RBFOX3: variants seen among roughly 807,000 people sequenced by gnomAD.
The protein encoded by RBFOX3 is RNA binding protein fox-1 homolog 3.
RBFOX3 carries 17 observed loss-of-function variants against 48.7 expected under a neutral mutation model. The observed-to-expected ratio is 0.35, with a 90% CI of 0.24 to 0.52. The LOEUF (loss-of-function observed/expected upper bound fraction) is 0.52, where lower values mean the gene tolerates loss of function less well. Ranked by LOEUF, RBFOX3 falls within the 20% of genes least tolerant of loss-of-function variation. The pLI, the probability that RBFOX3 is intolerant of heterozygous loss-of-function variation, is 0.94. For synonymous variants in RBFOX3, 212 were observed against 209.5 expected, an observed-to-expected ratio of 1.01 and a Z score of -0.10; for missense variants, 382 against 497.5, an observed-to-expected ratio of 0.77 and a Z score of 2.21.
chr17:79,117,941 CGG>C (rs757248958), intron 4 of RBFOX3, among the ~76,000 whole-genome samples: 65 of 152,198 alleles, frequency 4.3e-4, no homozygotes, highest in Non-Finnish European at 8.1e-4. Context: ...CCCCAAGGGA[CGG>C]TCCAAGGCTG....
chr17:79,209,914 G>A (rs1252636378), intron 4 of RBFOX3, among the ~76,000 whole-genome samples: 4 of 150,780 alleles, frequency 2.7e-5, no homozygotes, highest in African/African-American at 7.3e-5. Context: ...GGAGAATGGC[G>A]TGAACCTGGG....
At chr17:79,328,861 A>G (rs111960248) in intron 2 of RBFOX3, among the ~76,000 whole-genome samples, 3,624 of 152,262 alleles carry the variant, frequency 0.024, 67 homozygotes, top group South Asian at 0.041. Context: ...GCCCAGGGAT[A>G]GGGATGGGGC....
intron 4 of RBFOX3, among the ~76,000 whole-genome samples, chr17:79,155,665 C>T (rs1028026272): frequency 2.6e-5 from 4 of 151,992 alleles, no homozygotes; most frequent in African/African-American, 4.8e-5. Flanking sequence ...GAGATGAGAA[C>T]GACCAACTCT....
chr17:79,431,065 T>C (rs1420344863), intron 2 of RBFOX3, among the ~76,000 whole-genome samples: 1 of 152,218 alleles, frequency 6.6e-6, no homozygotes, highest in Non-Finnish European at 1.5e-5. Context: ...CAGAGAATCA[T>C]TCCTTACAGT....
chr17:79,319,077 G>C (rs1377959847), intron 2 of RBFOX3, among the ~76,000 whole-genome samples: 1 of 152,048 alleles, frequency 6.6e-6, no homozygotes, highest in East Asian at 1.9e-4. Context: ...ATGAGGGTGG[G>C]CGGAGGGAAA....
At chr17:79,640,623 A>T in the RBFOX3 span, among the ~76,000 whole-genome samples, 1 of 152,176 alleles carries the variant, frequency 6.6e-6, no homozygotes, top group East Asian at 1.9e-4. Context: ...CAATCGAACA[A>T]AATAGAGAGC....
chr17:79,144,624 G>C (rs2042642934), intron 4 of RBFOX3, among the ~76,000 whole-genome samples: 1 of 152,212 alleles, frequency 6.6e-6, no homozygotes, highest in South Asian at 2.1e-4. Context: ...CACAGGAGGA[G>C]GAAGAAGCAC....
intron 5 of RBFOX3, among the ~76,000 whole-genome samples, chr17:79,115,106 C>T (rs868347848): frequency 7.9e-5 from 12 of 152,244 alleles, no homozygotes; most frequent in South Asian, 6.2e-4. Context: ...GCCCTCCGCC[C>T]GTCTCCTTCA....
At chr17:79,187,381 A>T (rs997664713) in intron 4 of RBFOX3, among the ~76,000 whole-genome samples, 1 of 152,220 alleles carries the variant, frequency 6.6e-6, no homozygotes, top group African/African-American at 2.4e-5. Flanking sequence ...GCTTGGCAGC[A>T]GCGCTCCCAG....
At chr17:79,397,884 C>A (rs1043559896) in intron 2 of RBFOX3, among the ~76,000 whole-genome samples, 1 of 152,148 alleles carries the variant, frequency 6.6e-6, no homozygotes, top group African/African-American at 2.4e-5. Flanking sequence ...CAAACAGAGG[C>A]CCTGGGGCTG....
chr17:79,301,425 G>A (rs1319409407), intron 3 of RBFOX3, among the ~76,000 whole-genome samples: 4 of 152,224 alleles, frequency 2.6e-5, no homozygotes, highest in Non-Finnish European at 5.9e-5. Context: ...GGTGGCATGT[G>A]TGTTTTCAAG....
intron 2 of RBFOX3, among the ~76,000 whole-genome samples, chr17:79,453,451 T>G (rs2073924470): frequency 6.6e-6 from 1 of 152,152 alleles, no homozygotes; most frequent in African/African-American, 2.4e-5. Flanking sequence ...GGGACAGGCC[T>G]CATCTCCTTG....
At chr17:79,456,104 C>T (rs782083870) in intron 2 of RBFOX3, among the ~76,000 whole-genome samples, 3 of 152,080 alleles carry the variant, frequency 2.0e-5, no homozygotes, top group Non-Finnish European at 4.4e-5. Context: ...ATCACACTGA[C>T]GGGGCCCCAG....
At chr17:79,595,032 G>A (rs1448533297) in intron 1 of RBFOX3, among the ~76,000 whole-genome samples, 1 of 152,224 alleles carries the variant, frequency 6.6e-6, no homozygotes, top group East Asian at 1.9e-4. Flanking sequence ...GACCAAGAAC[G>A]GAGCCCTGAG....
In RBFOX3 at chr17:79,311,434, C is replaced by CAAAAAA. The variant is rs35265527; in HGVS notation, c.-174-3616_-174-3611dup. Among the ~76,000 whole-genome samples, 1 of 102,580 alleles carries CAAAAAA rather than the reference C, an allele frequency of 9.7e-6. No individual in the cohort carries two copies. 67.3% of individuals were successfully genotyped at this position (102,580 alleles called of 152,430 possible). Reference sequence around the variant, plus strand: ...GGTAAGAAGAGCGAGACTCCATCTCCAAAAAAAAAAAAAAAAAAAACAGAC... The same window carrying CAAAAAA: ...GGTAAGAAGAGCGAGACTCCATCTCCAAAAAAAAAAAAAAAAAAAAAAAAAACAGAC... On this transcript the variant is annotated intron_variant, in intron 2 of 14. Coordinates refer to ENST00000693108, the MANE Select transcript of RBFOX3 (RefSeq NM_001350451.2). The surrounding 1 kb of genome is among the most constrained non-coding windows in gnomAD (Gnocchi z 4.2).
chr17:79,377,514 C>G (rs561716450), intron 2 of RBFOX3, among the ~76,000 whole-genome samples: 32 of 152,338 alleles, frequency 2.1e-4, no homozygotes, highest in African/African-American at 7.2e-4. Flanking sequence ...GTGACATCCT[C>G]CTGACAGCTC....
rs561569007 is a variant in RBFOX3, at chr17:79,535,571, T to C, written c.-319-52973A>G. Among the ~76,000 whole-genome samples, 18 of 152,298 alleles carry C rather than the reference T, an allele frequency of 1.2e-4. No homozygotes were observed. The highest frequency in any genetic ancestry group is 3.8e-4 in the African/African-American group (16 of 41,560). On this transcript the variant is annotated intron_variant, in intron 1 of 14. Transcript: ENST00000693108. The surrounding 1 kb of genome is among the most constrained non-coding windows in gnomAD (Gnocchi z 4.5). ...GAAGGGGCCCGGCTACCCCTCAAAG[T>C]TTCCTGGGCTTGCAGGTCTGCTGCA...
chr17:79,577,167 G>A (rs1297647543), intron 1 of RBFOX3, among the ~76,000 whole-genome samples: 1 of 152,224 alleles, frequency 6.6e-6, no homozygotes, highest in Non-Finnish European at 1.5e-5. Context: ...GATGGACAGA[G>A]CCAGTGCAGG....
intron 2 of RBFOX3, among the ~76,000 whole-genome samples, chr17:79,410,507 G>A (rs1441063966): frequency 2.0e-5 from 3 of 152,192 alleles, no homozygotes; most frequent in African/African-American, 7.2e-5. Flanking sequence ...AAGCAGATGA[G>A]CCTTTGAAAC....
Sources: gnomAD v4.1 joint callset for allele counts (sites outside exome capture counted in the v4.1 genomes callset) on GRCh38, gnomAD v4.1.1 for gene constraint, Gnocchi (gnomAD v3.1) non-coding constraint, MANE v1.5 for transcripts, NCBI Gene and HGNC (gene_info 2026-07-23, HGNC 2026-07-21) for gene names.